The following ZDHHC14 variants were observed in gnomAD, a reference collection of about 807,000 sequenced individuals.
ZDHHC14 encodes the protein palmitoyltransferase ZDHHC14.
Under a neutral mutation model 47.7 loss-of-function variants are expected in ZDHHC14, and 16 were observed. That is an observed-to-expected ratio of 0.34 (90% CI 0.23 to 0.51). ZDHHC14 has a LOEUF of 0.51. Ranked by LOEUF, ZDHHC14 falls within the 20% of genes least tolerant of loss-of-function variation. ZDHHC14 has a pLI of 0.97. For missense variants in ZDHHC14, 515 were observed against 662.5 expected (o/e 0.78, Z 2.44); for synonymous variants, 293 against 278.9 (o/e 1.05, Z -0.50).
intron 1 of ZDHHC14, among the ~76,000 whole-genome samples, chr6:157,484,421 C>CAT (rs201988272): frequency 7.0e-6 from 1 of 143,672 alleles, no homozygotes; most frequent in Non-Finnish European, 1.5e-5. Flanking sequence ...TACACATATA[C>CAT]ATATATATAC....
intron 1 of ZDHHC14, among the ~76,000 whole-genome samples, chr6:157,451,004 G>A (rs865907826): frequency 1.8e-3 from 266 of 151,626 alleles, no homozygotes; most frequent in African/African-American, 6.1e-3. Flanking sequence ...GGTCTTGTGT[G>A]TGTGTGTGTG....
chr6:157,663,876 T>C (rs1778444664), intron 8 of ZDHHC14, among the ~76,000 whole-genome samples: 1 of 152,204 alleles, frequency 6.6e-6, no homozygotes, highest in Non-Finnish European at 1.5e-5. Flanking sequence ...AGCACCCCTC[T>C]GAGCCTGCTA....
In ZDHHC14 at chr6:157,636,080, A is replaced by G. The variant is rs146813443; in HGVS notation, c.752+3198A>G. On this transcript the variant is annotated intron_variant, in intron 5 of 8. Transcript: ENST00000359775. ...AGCCTGCTGACCGCATGCAGGTCCT[A>G]AAAACCCAGACGCAGGCCACACCCG... Among the ~76,000 whole-genome samples the G allele has an allele frequency of 5.1e-3, 781 of 152,188 alleles. 2 individuals are homozygous for G. Among genetic ancestry groups the G allele is most frequent in the Non-Finnish European group, 8.7e-3 (591 of 67,994 alleles).
At chr6:157,566,803 G>A (rs186008627) in intron 2 of ZDHHC14, among the ~76,000 whole-genome samples, 3 of 152,168 alleles carry the variant, frequency 2.0e-5, no homozygotes, top group African/African-American at 7.2e-5. Context: ...TTGCTTGAGG[G>A]GGCATCAACC....
chr6:157,657,311 G>A (rs889171894), intron 8 of ZDHHC14, among the ~76,000 whole-genome samples: 1 of 152,126 alleles, frequency 6.6e-6, no homozygotes, highest in African/African-American at 2.4e-5. Flanking sequence ...GCCTCCCAAA[G>A]TGTTGAGATT....
intron 8 of ZDHHC14, among the ~76,000 whole-genome samples, chr6:157,656,628 G>A (rs1778101907): frequency 1.3e-5 from 2 of 149,212 alleles, no homozygotes; most frequent in South Asian, 4.2e-4. Context: ...GAGTCACCGC[G>A]CCCAGCCTGG....
intron 1 of ZDHHC14, among the ~76,000 whole-genome samples, chr6:157,447,423 G>A (rs577727256): frequency 6.6e-6 from 1 of 152,326 alleles, no homozygotes; most frequent in Non-Finnish European, 1.5e-5. Flanking sequence ...GGCTGCACAG[G>A]CTCTTCCTTG....
intron 3 of ZDHHC14, among the ~76,000 whole-genome samples, chr6:157,602,277 T>G (rs1257506431): frequency 6.7e-6 from 1 of 149,970 alleles, no homozygotes; most frequent in Non-Finnish European, 1.5e-5. Flanking sequence ...GAGGTCAAGG[T>G]GGGCCAGTCA....
At chr6:157,447,125 AAAG>A (rs1193246164) in intron 1 of ZDHHC14, among the ~76,000 whole-genome samples, 27 of 151,316 alleles carry the variant, frequency 1.8e-4, no homozygotes, top group Admixed American at 1.4e-3. Flanking sequence ...ATCAAAAAAG[AAAG>A]AAAGAAAGAA....
chr6:157,434,434 T>A (rs1264317197), intron 1 of ZDHHC14, among the ~76,000 whole-genome samples: 1 of 151,768 alleles, frequency 6.6e-6, no homozygotes, highest in East Asian at 1.9e-4. Context: ...TGGACTGGAG[T>A]GGCCCTGCGT....
intron 3 of ZDHHC14, among the ~76,000 whole-genome samples, chr6:157,609,328 C>T (rs1233001069): frequency 6.6e-6 from 1 of 152,154 alleles, no homozygotes; most frequent in African/African-American, 2.4e-5. Context: ...ACAGGAGAGG[C>T]CTTAGAAGGA....
intron 3 of ZDHHC14, among the ~76,000 whole-genome samples, chr6:157,625,574 G>GA (rs1422121366): frequency 6.6e-6 from 1 of 152,162 alleles, no homozygotes; most frequent in Non-Finnish European, 1.5e-5. Flanking sequence ...GGAAAGCACA[G>GA]AAAGGGAGGT....
At chr6:157,557,727 G>A (rs1030827174) in intron 2 of ZDHHC14, among the ~76,000 whole-genome samples, 14 of 152,212 alleles carry the variant, frequency 9.2e-5, no homozygotes, top group Non-Finnish European at 1.0e-4. Flanking sequence ...TAACCACTGA[G>A]AGGAGTGTGA....
intron 1 of ZDHHC14, among the ~76,000 whole-genome samples, chr6:157,398,898 A>G (rs1159735853): frequency 1.3e-5 from 2 of 152,176 alleles, no homozygotes; most frequent in Non-Finnish European, 2.9e-5. Flanking sequence ...TTAAGTGGGG[A>G]TTTAGCTTGC....
intron 2 of ZDHHC14, among the ~76,000 whole-genome samples, chr6:157,546,381 GC>G (rs1165602579): frequency 6.6e-6 from 1 of 150,892 alleles, no homozygotes; most frequent in African/African-American, 2.4e-5. Flanking sequence ...CCTTATAGAA[GC>G]CCATAATGGC....
intron 8 of ZDHHC14, 49 bp from the exon 9 acceptor site, chr6:157,672,671 ACCTC>A: frequency 2.0e-6 from 1 of 494,224 alleles, no homozygotes; most frequent in Non-Finnish European, 2.9e-6. Context: ...GTCCCTCCCC[ACCTC>A]TGCCCCCTCC....
chr6:157,464,207 G>A (rs1779157099), intron 1 of ZDHHC14, among the ~76,000 whole-genome samples: 1 of 152,148 alleles, frequency 6.6e-6, no homozygotes, highest in African/African-American at 2.4e-5. Flanking sequence ...GTTTCTAGAG[G>A]TTGGATGGAA....
chr6:157,467,624 A>G (rs1187018575), intron 1 of ZDHHC14, among the ~76,000 whole-genome samples: 3 of 151,716 alleles, frequency 2.0e-5, no homozygotes. Flanking sequence ...ATCTTGGCTC[A>G]CTGCAACCTC....
intron 3 of ZDHHC14, among the ~76,000 whole-genome samples, chr6:157,602,378 T>C (rs1271117283): frequency 2.0e-5 from 3 of 147,780 alleles, no homozygotes; most frequent in African/African-American, 7.6e-5. Context: ...TAATCCCAGC[T>C]ACTAGGAAGG....
Sources: allele counts gnomAD v4.1 joint callset (sites outside exome capture counted in the v4.1 genomes callset), GRCh38; gene constraint gnomAD v4.1.1; transcripts MANE v1.5; gene names NCBI Gene and HGNC (gene_info 2026-07-23, HGNC 2026-07-21).